NRXN1: variants seen among roughly 807,000 people sequenced by gnomAD.
NRXN1 encodes neurexin 1, also known as neurexin-1.
Under a neutral mutation model 150.9 loss-of-function variants are expected in NRXN1, and 39 were observed. That is an observed-to-expected ratio of 0.26 (90% CI 0.20 to 0.34). NRXN1 has a LOEUF of 0.34. Ranked by LOEUF, NRXN1 falls within the 10% of genes least tolerant of loss-of-function variation. The probability of loss-of-function intolerance (pLI) is 1.00; values close to 1 mark genes in which losing one functional copy is unlikely to be tolerated. For missense variants in NRXN1, 1,815 were observed against 1,949.9 expected (o/e 0.93, Z 1.30); for synonymous variants, 924 against 757.0 (o/e 1.22, Z -3.62).
Position 50,131,107 on chromosome 2 carries a change from G to A in NRXN1, c.3547-39613C>T, listed in dbSNP as rs1274177951. ...ATTTTGCAGGACTCTCAGATTATTA[G>A]GAAGCAAATATTCAATGGGGTCAAC... On this transcript the variant is annotated intron_variant, in intron 18 of 22. Transcript: ENST00000401669. 2.0e-5 allele frequency among the ~76,000 whole-genome samples: 3 copies of A among 152,116 alleles called. No individual in the cohort carries two copies. In the South Asian group the frequency reaches 6.2e-4, roughly 32 times the overall value.
chr2:50,339,649 A>G (rs1453203039), intron 17 of NRXN1, among the ~76,000 whole-genome samples: 3 of 152,176 alleles, frequency 2.0e-5, no homozygotes, highest in Non-Finnish European at 2.9e-5. Context: ...TTCTAGTGTT[A>G]AAGCTTTTTA....
At chr2:50,004,849 C>CTTTT (rs1684504862) in intron 21 of NRXN1, among the ~76,000 whole-genome samples, 1 of 152,096 alleles carries the variant, frequency 6.6e-6, no homozygotes, top group South Asian at 2.1e-4. Flanking sequence ...GTTAAAATAA[C>CTTTT]TTAGACTTTT....
At chr2:50,765,628 C>T (rs2105413794) in intron 5 of NRXN1, among the ~76,000 whole-genome samples, 1 of 152,144 alleles carries the variant, frequency 6.6e-6, no homozygotes, top group South Asian at 2.1e-4. Flanking sequence ...ATCAAGGCTT[C>T]TTTCTACATG....
chr2:50,270,267 G>GT (rs1418040723), intron 17 of NRXN1, among the ~76,000 whole-genome samples: 1 of 152,122 alleles, frequency 6.6e-6, no homozygotes, highest in Non-Finnish European at 1.5e-5. Flanking sequence ...ACCATCATTT[G>GT]TAACATGAGC....
intron 18 of NRXN1, among the ~76,000 whole-genome samples, chr2:50,189,094 A>G (rs530130953): frequency 2.0e-5 from 3 of 152,344 alleles, no homozygotes; most frequent in South Asian, 4.1e-4. Context: ...ACTGTTCACA[A>G]TAGCAAAGAC....
chr2:50,828,473 G>C (rs1161020239), intron 5 of NRXN1, among the ~76,000 whole-genome samples: 1 of 151,262 alleles, frequency 6.6e-6, no homozygotes, highest in East Asian at 2.0e-4. Flanking sequence ...CTTCTCAGAC[G>C]GGGCGGTTGC....
intron 17 of NRXN1, among the ~76,000 whole-genome samples, chr2:50,382,676 G>A (rs545660642): frequency 3.9e-5 from 6 of 152,230 alleles, no homozygotes; most frequent in South Asian, 2.1e-4. Context: ...ACTCCAAAGC[G>A]GAAGGAAAAG....
At position 50,053,311 on chromosome 2, in the gene NRXN1, G is replaced by A. The variant is rs781551221; in HGVS notation, c.4088C>T (p.Ala1363Val). 6.2e-7 allele frequency: 1 copy of A among 1,613,972 alleles called. No individual in the cohort carries two copies. The change falls in exon 21 of 23, where the codon GCC becomes GTC. Residue 1363 changes from alanine to valine, a missense_variant. By Grantham distance (64) the Ala-to-Val change is moderately conservative (BLOSUM62 0). This residue lies in a region of NRXN1 where 265 missense variants were observed against 307.1 expected (regional missense o/e 0.86). Coordinates refer to ENST00000401669, the MANE Select transcript of NRXN1 (RefSeq NM_001330078.2). ...TTTTGTCGGGGGCTTTCCTCTTCTGGCTGTGCTAGTAGCCAGGGTCGTGGT... is the reference window on the plus strand; with the variant it reads ...TTTTGTCGGGGGCTTTCCTCTTCTGACTGTGCTAGTAGCCAGGGTCGTGGT... Reference protein sequence around the residue: ...ETTTTLATSTARRGKPPTKEP... With the variant: ...ETTTTLATSTVRRGKPPTKEP...
In NRXN1 at chr2:50,362,997, C is replaced by T. The variant is rs199834740; in HGVS notation, c.3364+102445G>A. Among the ~76,000 whole-genome samples, 63 of 152,066 alleles carry T rather than the reference C, an allele frequency of 4.1e-4. No homozygotes were observed. The East Asian group carries it at 0.011, about 27-fold the overall frequency. On this transcript the variant is annotated intron_variant, in intron 17 of 22. Coordinates refer to ENST00000401669, the MANE Select transcript of NRXN1 (RefSeq NM_001330078.2). ...TGAAAACAAGCAATGGGGAAAGGAT[C>T]CCCTATTTAATAAATGGTGTTGGGG...
chr2:50,506,223 A>G (rs922839460), intron 13 of NRXN1, among the ~76,000 whole-genome samples: 3 of 152,178 alleles, frequency 2.0e-5, no homozygotes, highest in Non-Finnish European at 4.4e-5. Context: ...TGAGGCACCA[A>G]GATATTTATC....
chr2:50,144,346 C>T (rs1254493102), intron 18 of NRXN1, among the ~76,000 whole-genome samples: 2 of 151,818 alleles, frequency 1.3e-5, no homozygotes, highest in Non-Finnish European at 2.9e-5. Flanking sequence ...TGAATTTTTG[C>T]ACCTTTATTT....
chr2:51,002,166 GAA>G (rs1417118479), intron 2 of NRXN1, among the ~76,000 whole-genome samples: 9 of 151,942 alleles, frequency 5.9e-5, no homozygotes, highest in Admixed American at 5.9e-4. Context: ...AAACGTATAT[GAA>G]ATACCTTGTA....
chr2:50,120,403 C>T (rs924426818), intron 18 of NRXN1, among the ~76,000 whole-genome samples: 1 of 151,936 alleles, frequency 6.6e-6, no homozygotes, highest in Non-Finnish European at 1.5e-5. Flanking sequence ...ACCTTAGGCC[C>T]AGAAACAAGA....
At chr2:50,320,282 T>TCTTATA (rs200051532) in intron 17 of NRXN1, among the ~76,000 whole-genome samples, 4,777 of 47,114 alleles carry the variant, frequency 0.1, 499 homozygotes, top group East Asian at 0.31. Flanking sequence ...TATACCTCAA[T>TCTTATA]CATATATATA....
chr2:49,936,791 C>T (rs937683456), intron 22 of NRXN1, among the ~76,000 whole-genome samples: 3 of 149,976 alleles, frequency 2.0e-5, no homozygotes, highest in Non-Finnish European at 3.0e-5. Flanking sequence ...TTGCTATATT[C>T]TAAAAAACAA....
At chr2:50,032,502 G>C (rs1689325934) in intron 21 of NRXN1, among the ~76,000 whole-genome samples, 3 of 152,184 alleles carry the variant, frequency 2.0e-5, no homozygotes, top group Non-Finnish European at 4.4e-5. Flanking sequence ...CATTGAGGTT[G>C]AATTTGCAGA....
intron 15 of NRXN1, among the ~76,000 whole-genome samples, chr2:50,483,530 A>G (rs1399234629): frequency 2.6e-5 from 4 of 152,000 alleles, no homozygotes; most frequent in Non-Finnish European, 5.9e-5. Context: ...TTCTCGTAAC[A>G]CTTTCACATC....
intron 17 of NRXN1, among the ~76,000 whole-genome samples, chr2:50,390,994 G>C (rs551383724): frequency 7.9e-5 from 12 of 152,144 alleles, no homozygotes; most frequent in Non-Finnish European, 1.3e-4. Context: ...GAAGCACAGA[G>C]TTGATGTCAT....
At chr2:50,405,046 C>G (rs907704424) in intron 17 of NRXN1, among the ~76,000 whole-genome samples, 1 of 152,116 alleles carries the variant, frequency 6.6e-6, no homozygotes, top group Non-Finnish European at 1.5e-5. Flanking sequence ...TCTTCCCCAA[C>G]TTACTATGCC....
Sources: allele counts gnomAD v4.1 joint callset (sites outside exome capture counted in the v4.1 genomes callset), GRCh38; gene constraint gnomAD v4.1.1; regional missense constraint gnomAD v4.1.1; transcripts MANE v1.5; gene names NCBI Gene and HGNC (gene_info 2026-07-23, HGNC 2026-07-21).